STN1: variants seen among roughly 807,000 people sequenced by gnomAD.
The protein encoded by STN1 is STN1 subunit of CST complex.
Under a neutral mutation model 45.5 loss-of-function variants are expected in STN1, and 29 were observed. The observed-to-expected ratio is 0.64, with a 90% CI of 0.47 to 0.87. The LOEUF is 0.87. Ranked by LOEUF, STN1 falls within the 40% of genes least tolerant of loss-of-function variation. The probability of loss-of-function intolerance (pLI) is 0.00; values close to 1 mark genes in which losing one functional copy is unlikely to be tolerated. For missense variants in STN1, 376 were observed against 441.4 expected (o/e 0.85, Z 1.33); for synonymous variants, 148 against 159.0 (o/e 0.93, Z 0.52).
intron 9 of STN1, among the ~76,000 whole-genome samples, chr10:103,883,272 C>CA (rs1369407700): frequency 3.9e-5 from 6 of 152,266 alleles, no homozygotes; most frequent in Admixed American, 3.3e-4. Context: ...ATGCTTCCCC[C>CA]TAAGTCCTGA....
intron 9 of STN1, among the ~76,000 whole-genome samples, chr10:103,887,040 C>T (rs1843107949): frequency 6.6e-6 from 1 of 152,192 alleles, no homozygotes; most frequent in South Asian, 2.1e-4. Context: ...TCATAAATGA[C>T]TTCAAGTCCT....
At chr10:103,886,213 C>G (rs1843101964) in intron 9 of STN1, among the ~76,000 whole-genome samples, 2 of 152,064 alleles carry the variant, frequency 1.3e-5, no homozygotes. Context: ...TTTTGAAAAG[C>G]TAATGGTATA....
chr10:103,909,444 GTA>G (rs1243743059), intron 3 of STN1, among the ~76,000 whole-genome samples: 4 of 49,918 alleles, frequency 8.0e-5, no homozygotes, highest in Admixed American at 2.8e-4. Context: ...GTATATATAT[GTA>G]TATATGTATA....
chr10:103,885,034 C>T (rs1843094599), intron 9 of STN1, among the ~76,000 whole-genome samples: 1 of 152,112 alleles, frequency 6.6e-6, no homozygotes, highest in Non-Finnish European at 1.5e-5. Flanking sequence ...CCACTGGAGT[C>T]CACCACACCA....
In STN1 at chr10:103,882,710, T is replaced by C. The variant is rs758150440; in HGVS notation, c.1081A>G (p.Met361Val). The change falls in exon 10 of 10, where the codon ATG (methionine) becomes GTG (valine). Residue 361 changes from methionine to valine, a missense_variant. Physicochemically the swap from Met to Val is conservative, Grantham distance 21 (BLOSUM62 1). Transcript: ENST00000224950. ...LEDQSDIVST[M>V]EHYYTAF ...CAGAACGCTGTGTAGTAGTGCTCCA[T>C]TGTGCTGACAATGTCACTCTGGTCC... The C allele has an allele frequency of 4.3e-6, 7 of 1,614,010 alleles. No individual in the cohort carries two copies. The Admixed American group carries it at 5.0e-5, about 12-fold the overall frequency.
At chr10:103,910,210 T>G (rs1409411027) in intron 3 of STN1, among the ~76,000 whole-genome samples, 2 of 152,186 alleles carry the variant, frequency 1.3e-5, no homozygotes, top group African/African-American at 4.8e-5. Context: ...GCTTTGCTAT[T>G]TACAGATATA....
At chr10:103,897,780 G>A (rs1843181115) in intron 6 of STN1, 61 bp from the exon 7 acceptor site, 1 of 1,558,410 alleles carries the variant, frequency 6.4e-7, no homozygotes, top group African/African-American at 1.4e-5. Flanking sequence ...CCTTTTTGGT[G>A]TATAAAAACC....
At chr10:103,885,325 G>A (rs76889030) in intron 9 of STN1, among the ~76,000 whole-genome samples, 5,282 of 152,232 alleles carry the variant, frequency 0.035, 281 homozygotes, top group African/African-American at 0.12. Context: ...ACCTGCACAC[G>A]GTAGGGAGGA....
intron 2 of STN1, among the ~76,000 whole-genome samples, chr10:103,916,043 G>A (rs74852420): frequency 0.064 from 9,719 of 152,236 alleles, 501 homozygotes; most frequent in East Asian, 0.16. Context: ...TAATGGCCAT[G>A]TACCAGTAGT....
At chr10:103,915,887 G>C (rs1389186215) in intron 2 of STN1, among the ~76,000 whole-genome samples, 2 of 151,936 alleles carry the variant, frequency 1.3e-5, no homozygotes, top group Non-Finnish European at 2.9e-5. Context: ...TAAGGAGTGT[G>C]CAACTAGATC....
At chr10:103,915,549 C>T (rs567783258) in intron 2 of STN1, among the ~76,000 whole-genome samples, 1 of 152,214 alleles carries the variant, frequency 6.6e-6, no homozygotes, top group African/African-American at 2.4e-5. Context: ...AATTCTTTAT[C>T]ACACAACACA....
In STN1 at chr10:103,910,607, T is replaced by C. The variant is rs146909879; in HGVS notation, c.149A>G (p.Asn50Ser). The change falls in exon 3 of 10, where the codon AAT (asparagine) becomes AGT (serine). Residue 50 changes from asparagine to serine, a missense_variant. By Grantham distance (46) the Asn-to-Ser change is conservative. Transcript: ENST00000224950. Reference protein sequence around the residue: ...SRQVPGVFLYNGHPIKQVDVL... With the variant: ...SRQVPGVFLYSGHPIKQVDVL... ...ATCTACCTGTTTTATTGGATGTCCA[T>C]TGTACAAAAATACACCTAAAATTTA... 6.6e-5 allele frequency: 106 copies of C among 1,605,128 alleles called. No homozygotes were observed. Among genetic ancestry groups the C allele is most frequent in the Middle Eastern group, 1.6e-4 (1 of 6,062 alleles).
At chr10:103,897,752 A>G in intron 6 of STN1, 33 bp from the exon 7 acceptor site, 1 of 1,607,062 alleles carries the variant, frequency 6.2e-7, no homozygotes, top group Non-Finnish European at 8.5e-7. Flanking sequence ...AGCTCTGCAG[A>G]AAACCATCAC....
At chr10:103,905,016 G>A (rs959139880) in intron 4 of STN1, 75 bp downstream of exon 4, 1 of 1,281,818 alleles carries the variant, frequency 7.8e-7, no homozygotes, top group Non-Finnish European at 1.1e-6. Flanking sequence ...TAGCCCTATA[G>A]CTGTTTTGAT....
intron 4 of STN1, among the ~76,000 whole-genome samples, chr10:103,900,732 T>A (rs1355479394): frequency 2.4e-4 from 35 of 146,234 alleles, no homozygotes; most frequent in South Asian, 6.7e-4. Flanking sequence ...ACACACACAC[T>A]CTCTCTCTCT....
chr10:103,897,513 G>A, intron 7 of STN1, 35 bp downstream of exon 7: 1 of 1,597,570 alleles, frequency 6.3e-7, no homozygotes, highest in Non-Finnish European at 8.6e-7. Context: ...CTGGGGCAGG[G>A]AACCAGAATT....
intron 9 of STN1, among the ~76,000 whole-genome samples, chr10:103,884,809 C>G (rs1366364200): frequency 6.6e-6 from 1 of 152,178 alleles, no homozygotes; most frequent in African/African-American, 2.4e-5. Flanking sequence ...CCTTTCCAAC[C>G]CTAAGGTTCA....
chr10:103,911,180 A>T (rs1409560659), intron 2 of STN1, among the ~76,000 whole-genome samples: 1 of 152,150 alleles, frequency 6.6e-6, no homozygotes, highest in East Asian at 1.9e-4. Flanking sequence ...CTGTTTTCAA[A>T]ACCTAGGCTA....
chr10:103,899,101 G>GCCCACCCAGCACCTCATT, intron 5 of STN1, 101 bp from the exon 6 acceptor site: 3 of 1,312,130 alleles, frequency 2.3e-6, no homozygotes, highest in Non-Finnish European at 3.2e-6. Context: ...AGTAAATGAG[G>GCCCACCCAGCACCTCATT]TGCTGGGTGG....
Sources: gnomAD v4.1 joint callset for allele counts (sites outside exome capture counted in the v4.1 genomes callset) on GRCh38, gnomAD v4.1.1 for gene constraint, MANE v1.5 for transcripts, NCBI Gene and HGNC (gene_info 2026-07-23, HGNC 2026-07-21) for gene names.